Variants in TRIM24 observed in about 807,000 individuals in gnomAD.
TRIM24 encodes transcription intermediary factor 1-alpha.
Under a neutral mutation model 123.9 loss-of-function variants are expected in TRIM24, and 29 were observed. The ratio of observed to expected loss-of-function variants is 0.23; its 90% CI spans 0.17 to 0.32. The LOEUF is 0.32. TRIM24 is among the 10% of genes least tolerant of loss of function. The pLI, the probability that TRIM24 is intolerant of heterozygous loss-of-function variation, is 1.00. For missense variants in TRIM24, 932 were observed against 1,295.3 expected (o/e 0.72, Z 4.31); for synonymous variants, 456 against 461.1 (o/e 0.99, Z 0.14).
chr7:138,564,611 C>G (rs1444094329), intron 9 of TRIM24, among the ~76,000 whole-genome samples: 2 of 152,196 alleles, frequency 1.3e-5, no homozygotes, highest in African/African-American at 4.8e-5. Context: ...CCATGCAGGT[C>G]AAGTTTGAAC....
chr7:138,480,990 T>TATC (rs1481416498), intron 1 of TRIM24, among the ~76,000 whole-genome samples: 2 of 151,530 alleles, frequency 1.3e-5, no homozygotes, highest in East Asian at 3.9e-4. Flanking sequence ...TTTAAAAAGT[T>TATC]ATTATTATTA....
chr7:138,559,253 T>C (rs1402630291), intron 9 of TRIM24, among the ~76,000 whole-genome samples: 1 of 152,154 alleles, frequency 6.6e-6, no homozygotes, highest in African/African-American at 2.4e-5. Context: ...AGCAGAGTCC[T>C]AGTTATGGTG....
Position 138,568,358 on chromosome 7 carries a change from T to G in TRIM24, c.1704+704T>G, listed in dbSNP as rs1025328247. ...GGATGGTCTCAATCTCCTAAACTCG[T>G]AAGCCACCGTACCTGGCCTCCTTTT... On this transcript the variant is annotated intron_variant, in intron 10 of 18. Transcript: ENST00000343526. 4.2e-5 allele frequency among the ~76,000 whole-genome samples: 6 copies of G among 142,118 alleles called. No homozygotes were observed. In the South Asian group the frequency reaches 1.4e-3, roughly 32 times the overall value. The allele number at this position is 142,118 out of a possible 152,430, so 93.2% of individuals were successfully genotyped here.
intron 3 of TRIM24, among the ~76,000 whole-genome samples, chr7:138,516,750 A>G (rs1055896660): frequency 1.3e-5 from 2 of 151,904 alleles, no homozygotes; most frequent in African/African-American, 2.4e-5. Flanking sequence ...TATTTTACTT[A>G]GCATAATATT....
chr7:138,483,622 T>TG (rs1309904056), intron 1 of TRIM24, among the ~76,000 whole-genome samples: 1 of 152,216 alleles, frequency 6.6e-6, no homozygotes, highest in Non-Finnish European at 1.5e-5. Flanking sequence ...CAACTGACAC[T>TG]GGGCAGATGA....
At chr7:138,544,306 A>T (rs1797059413) in intron 7 of TRIM24, among the ~76,000 whole-genome samples, 1 of 152,232 alleles carries the variant, frequency 6.6e-6, no homozygotes, top group Admixed American at 6.5e-5. Context: ...TTCACTTACC[A>T]TAGTGTCCTC....
intron 6 of TRIM24, among the ~76,000 whole-genome samples, chr7:138,534,600 C>T (rs1796823669): frequency 6.6e-6 from 1 of 152,186 alleles, no homozygotes; most frequent in East Asian, 1.9e-4. Context: ...AATTTCTGTT[C>T]TTTTACATTT....
intron 6 of TRIM24, among the ~76,000 whole-genome samples, chr7:138,532,149 T>C (rs1796761113): frequency 6.6e-6 from 1 of 151,726 alleles, no homozygotes; most frequent in Admixed American, 6.6e-5. Context: ...CAAAACTTTT[T>C]TCCCATTCTG....
chr7:138,504,439 T>A (rs761210518), intron 2 of TRIM24, 31 bp downstream of exon 2: 1 of 851,088 alleles, frequency 1.2e-6, no homozygotes, highest in South Asian at 2.5e-5. Context: ...ACCTTTTGCC[T>A]GCCAGCTCTT....
At chr7:138,471,148 A>G (rs149851111) in intron 1 of TRIM24, among the ~76,000 whole-genome samples, 213 of 152,362 alleles carry the variant, frequency 1.4e-3, no homozygotes, top group African/African-American at 4.8e-3. Flanking sequence ...TGGACCATGC[A>G]TTAAGTGTAT....
At chr7:138,535,475 A>G (rs1796848455) in intron 6 of TRIM24, among the ~76,000 whole-genome samples, 1 of 152,072 alleles carries the variant, frequency 6.6e-6, no homozygotes, top group Non-Finnish European at 1.5e-5. Flanking sequence ...TCACTTATGA[A>G]GCTTAGTTTG....
At chr7:138,535,101 A>G (rs1224529922) in intron 6 of TRIM24, among the ~76,000 whole-genome samples, 1 of 151,902 alleles carries the variant, frequency 6.6e-6, no homozygotes, top group Non-Finnish European at 1.5e-5. Context: ...TTTTGAGCTT[A>G]TGTGTGTCTC....
In TRIM24 at chr7:138,506,447, ATAGTAGTATCTGTG is replaced by A. The variant is rs533793719; in HGVS notation, c.483+2042_483+2055del. Among the ~76,000 whole-genome samples the A allele has an allele frequency of 2.4e-4, 37 of 152,348 alleles. No individual in the cohort carries two copies. The South Asian group carries it at 7.5e-3, about 31-fold the overall frequency. Reference sequence around the variant, plus strand: ...TTCTAGATATTCATTAGTCATATTCATAGTAGTATCTGTGTATGCTCAATCCAGAAAACTAAAAA... The same window carrying A: ...TTCTAGATATTCATTAGTCATATTCATATGCTCAATCCAGAAAACTAAAAA... On this transcript the variant is annotated intron_variant, in intron 2 of 18. Transcript: ENST00000343526.
At position 138,460,444 on chromosome 7, in the gene TRIM24, C is replaced by T. The variant is rs894662463; in HGVS notation, c.-105C>T. 99 of 1,172,186 alleles carry T rather than the reference C, an allele frequency of 8.4e-5. No individual in the cohort carries two copies. The African/African-American group carries it at 1.5e-3, about 18-fold the overall frequency. The allele number at this position is 1,172,186 out of a possible 1,614,324, so 72.6% of individuals were successfully genotyped here. A position where few individuals can be genotyped will look rare whatever the true frequency, so the allele number is the denominator to read the frequency against. On this transcript the variant is annotated 5_prime_UTR_variant, in exon 1 of 19. Coordinates refer to ENST00000343526, the MANE Select transcript of TRIM24 (RefSeq NM_015905.3). ...TCCCTCGCTGGCGCTGCCGCGAGTC[C>T]ACCGAGCGGCCTCTGAGGAGCAGCC...
intron 1 of TRIM24, among the ~76,000 whole-genome samples, chr7:138,464,395 A>AT (rs1795086545): frequency 6.6e-6 from 1 of 151,966 alleles, no homozygotes; most frequent in Non-Finnish European, 1.5e-5. Flanking sequence ...AAGTCAAGTA[A>AT]TATCTATTAC....
At chr7:138,575,137 G>A (rs1472078367) in intron 12 of TRIM24, among the ~76,000 whole-genome samples, 1 of 152,150 alleles carries the variant, frequency 6.6e-6, no homozygotes, top group African/African-American at 2.4e-5. Context: ...TATAAAAGAT[G>A]TAAAAGTATG....
At chr7:138,488,449 GT>G (rs1563029416) in intron 1 of TRIM24, among the ~76,000 whole-genome samples, 1 of 152,070 alleles carries the variant, frequency 6.6e-6, no homozygotes, top group Non-Finnish European at 1.5e-5. Flanking sequence ...TAGGGTGTCA[GT>G]TTTAGATCTT....
At chr7:138,559,285 A>G (rs1295550288) in intron 9 of TRIM24, among the ~76,000 whole-genome samples, 3 of 152,126 alleles carry the variant, frequency 2.0e-5, no homozygotes, top group East Asian at 3.9e-4. Context: ...CGTAGTATGT[A>G]TGCAGTGGGG....
chr7:138,560,180 T>G (rs1443132602), intron 9 of TRIM24, among the ~76,000 whole-genome samples: 1 of 152,220 alleles, frequency 6.6e-6, no homozygotes, highest in Non-Finnish European at 1.5e-5. Context: ...GCTGTATAAG[T>G]GTCCAATTCA....
Sources: gnomAD v4.1 joint callset for allele counts (sites outside exome capture counted in the v4.1 genomes callset) on GRCh38, gnomAD v4.1.1 for gene constraint, MANE v1.5 for transcripts, NCBI Gene and HGNC (gene_info 2026-07-23, HGNC 2026-07-21) for gene names.